Variants in DERA observed in about 807,000 individuals in gnomAD.
The protein encoded by DERA is 2-deoxy-D-ribose 5-phosphate aldolase.
DERA carries 15 observed loss-of-function variants against 41.1 expected under a neutral mutation model. The ratio of observed to expected loss-of-function variants is 0.37; its 90% CI spans 0.24 to 0.56. The LOEUF is 0.56. Among genes scored for constraint, DERA ranks in the 20% least tolerant of loss-of-function variants. The pLI, the probability that DERA is intolerant of heterozygous loss-of-function variation, is 0.81. For missense variants in DERA, 396 were observed against 403.4 expected, an observed-to-expected ratio of 0.98 and a Z score of 0.16; for synonymous variants, 139 against 137.4, an observed-to-expected ratio of 1.01 and a Z score of -0.08.
chr12:15,919,389 C>T (rs1388499391), intron 1 of DERA, among the ~76,000 whole-genome samples: 1 of 152,088 alleles, frequency 6.6e-6, no homozygotes, highest in East Asian at 1.9e-4. Flanking sequence ...AGACAGCAGA[C>T]AGAGCCCTTG....
At chr12:16,029,145 A>G (rs1949072787) in intron 6 of DERA, among the ~76,000 whole-genome samples, 1 of 152,206 alleles carries the variant, frequency 6.6e-6, no homozygotes, top group Non-Finnish European at 1.5e-5. Context: ...TTTAAAAATA[A>G]ACAAACTGGC....
chr12:16,022,155 A>G (rs144666194), intron 6 of DERA, among the ~76,000 whole-genome samples: 36 of 152,234 alleles, frequency 2.4e-4, no homozygotes, highest in African/African-American at 8.4e-4. Flanking sequence ...ATGGTAGTAG[A>G]TCCCTCATGA....
intron 1 of DERA, among the ~76,000 whole-genome samples, chr12:15,956,076 A>G (rs1948535939): frequency 6.6e-6 from 1 of 152,256 alleles, no homozygotes; most frequent in African/African-American, 2.4e-5. Flanking sequence ...AGACACCCAA[A>G]GATGAGTAAC....
intron 4 of DERA, among the ~76,000 whole-genome samples, 161 bp downstream of exon 4, chr12:15,960,085 G>A (rs1288136830): frequency 1.3e-5 from 2 of 151,822 alleles, no homozygotes. Context: ...TGCTTAGTAA[G>A]TGGAAGACAT....
At chr12:15,952,031 A>G (rs1948501807) in intron 1 of DERA, among the ~76,000 whole-genome samples, 1 of 151,946 alleles carries the variant, frequency 6.6e-6, no homozygotes. Flanking sequence ...TCCCCTGACT[A>G]CTGAGACTAC....
chr12:16,022,280 G>A (rs1200962143), intron 6 of DERA, among the ~76,000 whole-genome samples: 1 of 152,164 alleles, frequency 6.6e-6, no homozygotes, highest in Non-Finnish European at 1.5e-5. Context: ...CATGTGACAT[G>A]TGTGCTCCCT....
Position 15,918,373 on chromosome 12 carries a change from A to C in DERA, c.31+6959A>C, listed in dbSNP as rs1327872875. 1.3e-5 allele frequency among the ~76,000 whole-genome samples: 2 copies of C among 152,032 alleles called. No individual in the cohort carries two copies. Among genetic ancestry groups the C allele is most frequent in the Non-Finnish European group, 2.9e-5 (2 of 67,978 alleles). ...TATGTCTTGCTCCCGCTTTGTGCAG[A>C]TCCCCTCCTTGTTCTGATTGGACTC... is the stretch of plus-strand genomic sequence containing the variant. On this transcript the variant is annotated intron_variant, in intron 1 of 8. Coordinates refer to ENST00000428559, the MANE Select transcript of DERA (RefSeq NM_015954.4). The surrounding 1 kb of genome is among the most constrained non-coding windows in gnomAD (Gnocchi z 4.3).
chr12:15,930,762 T>G lies in DERA; in HGVS notation c.31+19348T>G, dbSNP rs115910413. Among the ~76,000 whole-genome samples the G allele has an allele frequency of 3.5e-3, 532 of 152,202 alleles. 3 individuals carry two copies. Among genetic ancestry groups the G allele is most frequent in the African/African-American group, 0.012 (507 of 41,538 alleles). On this transcript the variant is annotated intron_variant, in intron 1 of 8. Coordinates refer to ENST00000428559, the MANE Select transcript of DERA (RefSeq NM_015954.4). The stretch of plus-strand genomic sequence containing the variant: ...CAGGAAATGAAGTTGTTAACACCCC[T>G]CATAAGATATGCTTTTCATAGTTTG...
chr12:15,956,485 G>A (rs892839197), intron 1 of DERA: 6 of 317,190 alleles, frequency 1.9e-5, no homozygotes, highest in African/African-American at 1.1e-4. Flanking sequence ...GCCAGTAAGC[G>A]GGTAGTGAGC....
Position 15,996,697 on chromosome 12 carries a change from A to C in DERA, c.637+14261A>C, listed in dbSNP as rs1948840479. ...ATCTCTTTTTTGGGGGAAACAATTC[A>C]AAGCAAAGAGAAATAGGATTCTTGC... On this transcript the variant is annotated intron_variant, in intron 6 of 8. Coordinates refer to ENST00000428559, the MANE Select transcript of DERA (RefSeq NM_015954.4). This position sits in a 1 kb window ranked among gnomAD's most constrained non-coding sequence, Gnocchi z 4.7. Among the ~76,000 whole-genome samples the C allele has an allele frequency of 6.6e-6, 1 of 152,208 alleles. No individual in the cohort carries two copies. Among genetic ancestry groups the C allele is most frequent in the Non-Finnish European group, 1.5e-5 (1 of 68,038 alleles).
chr12:15,942,851 T>G (rs1948418540), intron 1 of DERA, among the ~76,000 whole-genome samples: 1 of 152,200 alleles, frequency 6.6e-6, no homozygotes, highest in African/African-American at 2.4e-5. Context: ...CTTGGTTTAT[T>G]TTCAACTTTG....
In DERA at chr12:15,941,217, G is replaced by A. The variant is rs1410958848; in HGVS notation, c.32-15719G>A. ...TACAGTAGCGGCTCATTGACCTACT[G>A]ACTGTGGGTGTTGTGTGTTTGTGTC... On this transcript the variant is annotated intron_variant, in intron 1 of 8. Coordinates refer to ENST00000428559, the MANE Select transcript of DERA (RefSeq NM_015954.4). The surrounding 1 kb of genome is among the most constrained non-coding windows in gnomAD (Gnocchi z 4.5). Among the ~76,000 whole-genome samples, 1 of 152,120 alleles carries A rather than the reference G, an allele frequency of 6.6e-6. No homozygotes were observed. The highest frequency in any genetic ancestry group is 2.4e-5 in the African/African-American group (1 of 41,398).
In DERA at chr12:15,987,704, TG is replaced by T. The variant is rs556731063; in HGVS notation, c.637+5270del. ...TCCTCTGTTCTCCTGATTGGTTACA[TG>T]GATCTTTATTCAAGTTCTTTTGTCA... On this transcript the variant is annotated intron_variant, in intron 6 of 8. Coordinates refer to ENST00000428559, the MANE Select transcript of DERA (RefSeq NM_015954.4). Among the ~76,000 whole-genome samples, 195 of 152,290 alleles carry T rather than the reference TG, an allele frequency of 1.3e-3. 1 individual carries two copies. Among genetic ancestry groups the T allele is most frequent in the African/African-American group, 3.9e-3 (161 of 41,578 alleles).
chr12:15,946,514 A>T (rs963788999), intron 1 of DERA, among the ~76,000 whole-genome samples: 1 of 151,946 alleles, frequency 6.6e-6, no homozygotes, highest in Non-Finnish European at 1.5e-5. Flanking sequence ...GTTTATTTGC[A>T]TAGAGGTGTT....
At chr12:15,963,542 T>TA (rs1460919650) in intron 5 of DERA, among the ~76,000 whole-genome samples, 1 of 152,208 alleles carries the variant, frequency 6.6e-6, no homozygotes, top group Non-Finnish European at 1.5e-5. Flanking sequence ...TTTAAACAGA[T>TA]ATTAAAGAAT....
chr12:15,946,033 T>C (rs1948445478), intron 1 of DERA, among the ~76,000 whole-genome samples: 1 of 152,240 alleles, frequency 6.6e-6, no homozygotes, highest in African/African-American at 2.4e-5. Context: ...ATTACATTTA[T>C]TGATTTGTGT....
chr12:15,989,453 A>T lies in DERA; in HGVS notation c.637+7017A>T, dbSNP rs1042298069. Among the ~76,000 whole-genome samples the T allele has an allele frequency of 4.6e-5, 7 of 152,046 alleles. No individual in the cohort carries two copies. Among genetic ancestry groups the T allele is most frequent in the Non-Finnish European group, 8.8e-5 (6 of 67,998 alleles). ...CATGTCCCCACTTTTTCACTGGTTG[A>T]GATCATATTTTCCTTTAAGTACTTG... On this transcript the variant is annotated intron_variant, in intron 6 of 8. Transcript: ENST00000428559. The surrounding 1 kb of genome is among the most constrained non-coding windows in gnomAD (Gnocchi z 5.2).
Position 16,026,556 on chromosome 12 carries a change from T to C in DERA, c.638-5986T>C, listed in dbSNP as rs1949054568. ...TTAATTTAATTTCTTTTATAAAATA[T>C]TTAATGTGACTTTTACATAAATTGT... On this transcript the variant is annotated intron_variant, in intron 6 of 8. Coordinates refer to ENST00000428559, the MANE Select transcript of DERA (RefSeq NM_015954.4). The surrounding 1 kb of genome is among the most constrained non-coding windows in gnomAD (Gnocchi z 4.4). Among the ~76,000 whole-genome samples the C allele has an allele frequency of 6.6e-6, 1 of 150,702 alleles. No homozygotes were observed. The highest frequency in any genetic ancestry group is 1.9e-4 in the East Asian group (1 of 5,170).
At chr12:15,917,683 G>A (rs1041910222) in intron 1 of DERA, among the ~76,000 whole-genome samples, 4 of 152,170 alleles carry the variant, frequency 2.6e-5, no homozygotes, top group East Asian at 3.8e-4. Context: ...TTACACCAAC[G>A]GTCCCGGACC....
Sources: allele counts gnomAD v4.1 joint callset (sites outside exome capture counted in the v4.1 genomes callset), GRCh38; gene constraint gnomAD v4.1.1; non-coding constraint Gnocchi (gnomAD v3.1); transcripts MANE v1.5; gene names NCBI Gene and HGNC (gene_info 2026-07-23, HGNC 2026-07-21).